The following TRPM2 variants were observed in gnomAD, a reference collection of about 807,000 sequenced individuals.
The protein encoded by TRPM2 is estrogen-responsive element-associated gene 1 protein.
TRPM2 carries 161 observed loss-of-function variants against 174.0 expected under a neutral mutation model. The observed-to-expected ratio is 0.93, with a 90% CI of 0.81 to 1.05. The LOEUF (loss-of-function observed/expected upper bound fraction) is 1.05, where lower values mean the gene tolerates loss of function less well. TRPM2 is among the 50% of genes least tolerant of loss of function. The probability of loss-of-function intolerance (pLI) is 0.00; values close to 1 mark genes in which losing one functional copy is unlikely to be tolerated. For synonymous variants in TRPM2, 954 were observed against 861.3 expected (o/e 1.11, Z -1.88); for missense variants, 2,057 against 2,038.0 (o/e 1.01, Z -0.18).
intron 9 of TRPM2, among the ~76,000 whole-genome samples, chr21:44,386,584 G>T (rs369098060): frequency 1.5e-4 from 23 of 152,208 alleles, no homozygotes; most frequent in African/African-American, 4.8e-4. Flanking sequence ...ATTGCTGAAA[G>T]AAATGAAAGA....
chr21:44,406,865 G>C (rs2049902821), intron 19 of TRPM2, 100 bp downstream of exon 19: 5 of 1,430,814 alleles, frequency 3.5e-6, no homozygotes, highest in Non-Finnish European at 9.4e-7. Context: ...GGCTCCATCA[G>C]GGGGTCCTGC....
At position 44,418,501 on chromosome 21, in the gene TRPM2, G is replaced by A. The variant is rs746629167; in HGVS notation, c.3407G>A (p.Arg1136Gln). 15 of 1,613,976 alleles carry A rather than the reference G, an allele frequency of 9.3e-6. No homozygotes were observed. The highest frequency in any genetic ancestry group is 2.2e-5 in the South Asian group (2 of 91,082). ...CTGAAGGAGAACTACCTCCAGAACC[G>A]ACAGTTCCAGCAAAAGCAGCGGCCC... ...IYLKENYLQN[R>Q]QFQQKQRPEQ... Residue 1136 changes from arginine (R) to glutamine (Q), a missense_variant, in exon 22 of 32, where the codon CGA (arginine) becomes CAA (glutamine). By Grantham distance (43) the Arg-to-Gln change is conservative (BLOSUM62 1). Coordinates refer to ENST00000397928, the MANE Select transcript of TRPM2 (RefSeq NM_003307.4).
chr21:44,352,340 G>C (rs536497641), upstream of TRPM2, among the ~76,000 whole-genome samples: 1 of 152,176 alleles, frequency 6.6e-6, no homozygotes, highest in Non-Finnish European at 1.5e-5. Flanking sequence ...AGGAGGGAGA[G>C]GGGGAGGTGG....
In TRPM2 at chr21:44,366,971, G is replaced by T. The variant is rs1392845770; in HGVS notation, c.604+37G>T. ...GCTGGAGGGACACGAGGCCCCGGCG[G>T]GTGGGGTGGGCTGTGGAGGCAGTGC... On this transcript the variant is annotated intron_variant, in intron 4 of 31. Transcript: ENST00000397928. The surrounding 1 kb of genome is among the most constrained non-coding windows in gnomAD (Gnocchi z 6.0). 1.9e-6 allele frequency: 3 copies of T among 1,541,870 alleles called. No individual in the cohort carries two copies. The highest frequency in any genetic ancestry group is 2.6e-6 in the Non-Finnish European group (3 of 1,141,660).
intron 16 of TRPM2, among the ~76,000 whole-genome samples, chr21:44,403,784 CAT>C (rs2049730714): frequency 1.3e-5 from 2 of 151,594 alleles, no homozygotes; most frequent in Non-Finnish European, 1.5e-5. Context: ...TGCATGCACA[CAT>C]ACAAATATAC....
Position 44,391,194 on chromosome 21 carries a change from A to C in TRPM2, c.1441-78A>C, listed in dbSNP as rs1250530744. 4 of 1,537,086 alleles carry C rather than the reference A, an allele frequency of 2.6e-6. No individual in the cohort carries two copies. The African/African-American group carries it at 4.1e-5, about 16-fold the overall frequency. Reference sequence around the variant, plus strand: ...CAGGTTGGGGACAACAGCAGCCCCCATCTCCAGGGTCTTTGAGATCAGGAT... The same window carrying C: ...CAGGTTGGGGACAACAGCAGCCCCCCTCTCCAGGGTCTTTGAGATCAGGAT... On this transcript the variant is annotated intron_variant, in intron 10 of 31. Transcript: ENST00000397928. This position sits in a 1 kb window ranked among gnomAD's most constrained non-coding sequence, Gnocchi z 5.0.
Position 44,395,419 on chromosome 21 carries a change from G to C in TRPM2, c.1800G>C (p.Gln600His), listed in dbSNP as rs867018696. 3 of 1,612,674 alleles carry C rather than the reference G, an allele frequency of 1.9e-6. No individual in the cohort carries two copies. The highest frequency in any genetic ancestry group is 1.7e-6 in the Non-Finnish European group (2 of 1,179,900). The change falls in exon 12 of 32, where the codon CAG becomes CAC. Residue 600 changes from glutamine (Q) to histidine (H), a missense_variant. Coordinates refer to ENST00000397928, the MANE Select transcript of TRPM2 (RefSeq NM_003307.4). ...GACAGTTCACTGCTCACCAGGTGCA[G>C]GGAGTGAGCCTCCGGTCCCTCTACA... ...LPVPHVKLNV[Q>H]GVSLRSLYKR...
At chr21:44,379,897 C>A (rs2048829246) in intron 8 of TRPM2, among the ~76,000 whole-genome samples, 1 of 152,226 alleles carries the variant, frequency 6.6e-6, no homozygotes, top group Non-Finnish European at 1.5e-5. Context: ...CCCAGCAAGC[C>A]AGGGCCGGCA....
rs750540472 is a variant in TRPM2, at chr21:44,418,466, G to C, written c.3372G>C (p.Trp1124Cys). Residue 1124 changes from tryptophan (W) to cysteine (C), a missense_variant, in exon 22 of 32, where the codon TGG (tryptophan) becomes TGC (cysteine). Coordinates refer to ENST00000397928, the MANE Select transcript of TRPM2 (RefSeq NM_003307.4). ...EKNEEAALLS[W>C]EIYLKENYLQ... The stretch of plus-strand genomic sequence containing the variant: ...ACGAGGAGGCGGCCCTGCTATCCTG[G>C]GAGATCTACCTGAAGGAGAACTACC... 6.2e-6 allele frequency: 10 copies of C among 1,613,878 alleles called. No homozygotes were observed. Among genetic ancestry groups the C allele is most frequent in the Non-Finnish European group, 8.5e-6 (10 of 1,179,960 alleles).
intron 27 of TRPM2, among the ~76,000 whole-genome samples, chr21:44,431,783 T>C (rs1039289160): frequency 1.3e-5 from 2 of 152,194 alleles, no homozygotes; most frequent in African/African-American, 2.4e-5. Flanking sequence ...GTCATGTGCT[T>C]ATAGTTTTTA....
At chr21:44,384,293 T>C (rs1285171769) in intron 9 of TRPM2, among the ~76,000 whole-genome samples, 2 of 152,266 alleles carry the variant, frequency 1.3e-5, no homozygotes, top group East Asian at 1.9e-4. Flanking sequence ...GACTAAGTAC[T>C]TTATAAACTA....
In TRPM2 at chr21:44,379,063, G is replaced by A. The variant is rs201023781; in HGVS notation, c.1081G>A (p.Asp361Asn). The A allele has an allele frequency of 1.3e-5, 21 of 1,612,202 alleles. No individual in the cohort carries two copies. The highest frequency in any genetic ancestry group is 1.6e-4 in the Middle Eastern group (1 of 6,062). ...VVVEGSGRVA[D>N]VIAQVANLPV... ...TGTGGAGGGCTCGGGCCGCGTGGCC[G>A]ACGTCATTGCCCAGGTGGCCAACCT... is the stretch of plus-strand genomic sequence containing the variant. Residue 361 changes from aspartate (D) to asparagine (N), a missense_variant, in exon 8 of 32, where the codon GAC becomes AAC. Physicochemically the swap from Asp to Asn is conservative, Grantham distance 23. Transcript: ENST00000397928.
In TRPM2 at chr21:44,410,257, A is replaced by G. The variant is rs1383747373; in HGVS notation, c.2962+3492A>G. 1.1e-4 allele frequency among the ~76,000 whole-genome samples: 9 copies of G among 79,452 alleles called. 3 individuals are homozygous for G. The highest frequency in any genetic ancestry group is 1.4e-4 in the Non-Finnish European group (5 of 35,236). The allele number at this position is 79,452 out of a possible 152,430, so 52.1% of individuals were successfully genotyped here. On this transcript the variant is annotated intron_variant, in intron 19 of 31. Transcript: ENST00000397928. The stretch of plus-strand genomic sequence containing the variant: ...TGGCGTAGCCTTGTAGTGAGTTTTG[A>G]CTGCACTGTCTTGGCGTAGCCTTGT...
intron 9 of TRPM2, among the ~76,000 whole-genome samples, chr21:44,387,701 T>TAA (rs906374070): frequency 1.4e-5 from 2 of 145,746 alleles, no homozygotes; most frequent in African/African-American, 5.0e-5. Context: ...AACTCAACAA[T>TAA]AAAAAAAAAA....
In TRPM2 at chr21:44,432,598, G is replaced by A. The variant is rs147323131; in HGVS notation, c.3975-2533G>A. ...ATCCCGGGAATGTCCTGCTCCTCCT[G>A]CACCCGGGTCCTCCTGCCCTCTTGC... On this transcript the variant is annotated intron_variant, in intron 27 of 31. Transcript: ENST00000397928. This position sits in a 1 kb window ranked among gnomAD's most constrained non-coding sequence, Gnocchi z 4.9. Among the ~76,000 whole-genome samples, 38 of 152,224 alleles carry A rather than the reference G, an allele frequency of 2.5e-4. No individual in the cohort carries two copies. Among genetic ancestry groups the A allele is most frequent in the African/African-American group, 6.5e-4 (27 of 41,524 alleles).
chr21:44,434,137 G>T (rs1365687553), intron 27 of TRPM2, among the ~76,000 whole-genome samples: 1 of 152,164 alleles, frequency 6.6e-6, no homozygotes, highest in African/African-American at 2.4e-5. Context: ...GGCCATGAGG[G>T]GTGGGTCAGA....
At position 44,400,354 on chromosome 21, in the gene TRPM2, C is replaced by T. The variant is rs45534841; in HGVS notation, c.2304C>T (p.Thr768=). The change falls in exon 15 of 32, where the codon ACC becomes ACT. Residue 768 remains threonine (T), a synonymous_variant. Transcript: ENST00000397928. ...TGCTGGCCTTCCCGCTGCTCCTCAC[C>T]GGCCTCATCTCCTTCAGGTGCTGCA... The part of the protein sequence containing the change: ...LCMLAFPLLL[T]GLISFREKRL... 132 of 1,611,966 alleles carry T rather than the reference C, an allele frequency of 8.2e-5. No individual in the cohort carries two copies. Among genetic ancestry groups the T allele is most frequent in the Admixed American group, 5.8e-4 (35 of 59,962 alleles).
intron 17 of TRPM2, among the ~76,000 whole-genome samples, chr21:44,405,618 C>T (rs529816872): frequency 4.9e-4 from 74 of 152,164 alleles, no homozygotes; most frequent in Admixed American, 7.9e-4. Context: ...CGTGTCTCTG[C>T]GAGGCCGCGG....
At chr21:44,397,718 A>T in intron 12 of TRPM2, 29 bp from the exon 13 acceptor site, 1 of 1,530,900 alleles carries the variant, frequency 6.5e-7, no homozygotes, top group Non-Finnish European at 8.8e-7. Context: ...CTGGCTCTTT[A>T]GTCTCACGGT....
Sources: allele counts gnomAD v4.1 joint callset (sites outside exome capture counted in the v4.1 genomes callset), GRCh38; gene constraint gnomAD v4.1.1; non-coding constraint Gnocchi (gnomAD v3.1); transcripts MANE v1.5; gene names NCBI Gene and HGNC (gene_info 2026-07-23, HGNC 2026-07-21).